GPR52: variants seen among roughly 807,000 people sequenced by gnomAD.
GPR52 encodes the protein G protein-coupled receptor 52.
GPR52 carries 8 observed loss-of-function variants against 24.0 expected under a neutral mutation model. The observed-to-expected ratio is 0.33, with a 90% CI of 0.20 to 0.60. The LOEUF is 0.60. Ranked by LOEUF, GPR52 falls within the 20% of genes least tolerant of loss-of-function variation. The pLI, the probability that GPR52 is intolerant of heterozygous loss-of-function variation, is 0.82. For synonymous variants in GPR52, 144 were observed against 158.1 expected (o/e 0.91, Z 0.67); for missense variants, 412 against 447.7 (o/e 0.92, Z 0.72).
Position 174,448,110 on chromosome 1 carries a change from C to A in GPR52, c.-2C>A. 2 of 1,606,160 alleles carry A rather than the reference C, an allele frequency of 1.2e-6. No homozygotes were observed. Among genetic ancestry groups the A allele is most frequent in the Non-Finnish European group, 1.7e-6 (2 of 1,175,454 alleles). The stretch of plus-strand genomic sequence containing the variant: ...CTGCAGGTGTCTTTAAATTTCCAAG[C>A]CATGAATGAATCCAGGTGGACTGAA... On this transcript the variant is annotated 5_prime_UTR_variant, in exon 1 of 1. Coordinates refer to ENST00000367685, the MANE Select transcript of GPR52 (RefSeq NM_005684.5). This position sits in a 1 kb window ranked among gnomAD's most constrained non-coding sequence, Gnocchi z 4.2.
Position 174,448,278 on chromosome 1 carries a change from C to T in GPR52, c.167C>T (p.Ala56Val), listed in dbSNP as rs1655018624. ...VIVLLTFLIIAGNLTVIFVFH... is the reference protein window; with the variant it reads ...VIVLLTFLIIVGNLTVIFVFH... ...GTGTTGCTGACATTTCTGATCATTG[C>T]TGGGAATCTAACAGTTATCTTTGTC... The change falls in exon 1 of 1, where the codon GCT becomes GTT. Residue 56 changes from alanine (A) to valine (V), a missense_variant. Coordinates refer to ENST00000367685, the MANE Select transcript of GPR52 (RefSeq NM_005684.5). This position sits in a 1 kb window ranked among gnomAD's most constrained non-coding sequence, Gnocchi z 4.2. The T allele has an allele frequency of 6.2e-7, 1 of 1,613,374 alleles. No homozygotes were observed. Among genetic ancestry groups the T allele is most frequent in the South Asian group, 1.1e-5 (1 of 91,076 alleles).
chr1:174,448,926 G>T lies in GPR52; in HGVS notation c.815G>T (p.Ser272Ile). ...RYAMVLFRIT[S>I]VFYMLWLPYI... ...GCCATGGTTTTGTTTAGGATAACCA[G>T]TGTATTTTATATGCTGTGGCTCCCC... The change falls in exon 1 of 1, where the codon AGT becomes ATT. Residue 272 changes from serine to isoleucine, a missense_variant. Transcript: ENST00000367685. The surrounding 1 kb of genome is among the most constrained non-coding windows in gnomAD (Gnocchi z 4.2). The T allele has an allele frequency of 6.2e-7, 1 of 1,613,964 alleles. No individual in the cohort carries two copies. The highest frequency in any genetic ancestry group is 8.5e-7 in the Non-Finnish European group (1 of 1,179,814).
In GPR52 at chr1:174,449,427, G is replaced by A. The variant is rs917786807; in HGVS notation, c.*230G>A. Among the ~76,000 whole-genome samples the A allele has an allele frequency of 2.0e-5, 3 of 152,138 alleles. No individual in the cohort carries two copies. Among genetic ancestry groups the A allele is most frequent in the Non-Finnish European group, 4.4e-5 (3 of 68,032 alleles). ...AATTATAGCATGTGAGTATTAGTGT[G>A]CAGTAATAGGAAAAATTAAGCACTG... On this transcript the variant is annotated 3_prime_UTR_variant, in exon 1 of 1. Transcript: ENST00000367685.
Position 174,449,047 on chromosome 1 carries a change from T to C in GPR52, c.936T>C (p.Cys312=). The C allele has an allele frequency of 1.2e-6, 2 of 1,613,974 alleles. No homozygotes were observed. Among genetic ancestry groups the C allele is most frequent in the East Asian group, 2.2e-5 (1 of 44,902 alleles). Residue 312 remains cysteine (C), a synonymous_variant, in exon 1 of 1, where the codon TGT becomes TGC. Coordinates refer to ENST00000367685, the MANE Select transcript of GPR52 (RefSeq NM_005684.5). The part of the protein sequence containing the change: ...TTWLAISNSF[C]NCVIYSLSNS... ...GGCTTGCAATAAGTAATAGTTTTTGTAACTGTGTAATATACAGCCTCTCCA... is the reference window on the plus strand; with the variant it reads ...GGCTTGCAATAAGTAATAGTTTTTGCAACTGTGTAATATACAGCCTCTCCA...
chr1:174,448,294 T>G lies in GPR52; in HGVS notation c.183T>G (p.Val61=). The G allele has an allele frequency of 6.2e-7, 1 of 1,613,082 alleles. No homozygotes were observed. The highest frequency in any genetic ancestry group is 2.2e-5 in the East Asian group (1 of 44,858). The change falls in exon 1 of 1, where the codon GTT becomes GTG. Residue 61 remains valine, a synonymous_variant. Coordinates refer to ENST00000367685, the MANE Select transcript of GPR52 (RefSeq NM_005684.5). The surrounding 1 kb of genome is among the most constrained non-coding windows in gnomAD (Gnocchi z 4.2). ...TFLIIAGNLT[V]IFVFHCAPLL... is the part of the protein sequence containing the mutation. The stretch of plus-strand genomic sequence containing the variant: ...TGATCATTGCTGGGAATCTAACAGT[T>G]ATCTTTGTCTTTCATTGTGCTCCAC...
chr1:174,449,114 A>C lies in GPR52; in HGVS notation c.1003A>C (p.Met335Leu). ...AGGCCTCCGAAGACTGTCTGAGACA[A>C]TGTGCACATCCTGTATGTGTGTGAA... ...RLGLRRLSET[M>L]CTSCMCVKDQ... The change falls in exon 1 of 1, where the codon ATG becomes CTG. Residue 335 changes from methionine to leucine, a missense_variant. By Grantham distance (15) the Met-to-Leu change is conservative. Transcript: ENST00000367685. 1 of 1,613,866 alleles carries C rather than the reference A, an allele frequency of 6.2e-7. No individual in the cohort carries two copies. The highest frequency in any genetic ancestry group is 8.5e-7 in the Non-Finnish European group (1 of 1,179,742).
In GPR52 at chr1:174,448,458, T is replaced by G. The variant is rs1329161176; in HGVS notation, c.347T>G (p.Val116Gly). ...TGVHESLTCQ[V>G]FGYIISVLKS... Reference sequence around the variant, plus strand: ...GTCCACGAGTCATTGACTTGCCAGGTTTTTGGATATATCATCTCAGTTCTA... The same window carrying G: ...GTCCACGAGTCATTGACTTGCCAGGGTTTTGGATATATCATCTCAGTTCTA... The change falls in exon 1 of 1, where the codon GTT becomes GGT. Residue 116 changes from valine to glycine, a missense_variant. By Grantham distance (109) the Val-to-Gly change is moderately radical. Transcript: ENST00000367685. The surrounding 1 kb of genome is among the most constrained non-coding windows in gnomAD (Gnocchi z 4.2). The G allele has an allele frequency of 6.2e-7, 1 of 1,613,410 alleles. No individual in the cohort carries two copies. Among genetic ancestry groups the G allele is most frequent in the South Asian group, 1.1e-5 (1 of 91,048 alleles).
Position 174,448,777 on chromosome 1 carries a change from TTAC to T in GPR52, c.668_670del (p.Tyr223del). ...CTGCTGCCTTTGTTGTCTGCTTCAC[TTAC>T]TTCCACATTTTCAAAATTTGCCGTC... is the stretch of plus-strand genomic sequence containing the variant. On this transcript the variant is annotated inframe_deletion, in exon 1 of 1. Transcript: ENST00000367685. This position sits in a 1 kb window ranked among gnomAD's most constrained non-coding sequence, Gnocchi z 4.2. 6.2e-7 allele frequency: 1 copy of T among 1,613,964 alleles called. No individual in the cohort carries two copies. Among genetic ancestry groups the T allele is most frequent in the East Asian group, 2.2e-5 (1 of 44,884 alleles).
Position 174,448,174 on chromosome 1 carries a change from G to C in GPR52, c.63G>C (p.Val21=), listed in dbSNP as rs780487557. The change falls in exon 1 of 1, where the codon GTG becomes GTC. Residue 21 remains valine (V), a synonymous_variant. Transcript: ENST00000367685. The surrounding 1 kb of genome is among the most constrained non-coding windows in gnomAD (Gnocchi z 4.2). ...ILNMSSGIVN[V]SERHSCPLGF... is the part of the protein sequence containing the mutation. ...ACATGAGCAGTGGCATTGTGAATGT[G>C]TCCGAGCGTCACTCCTGCCCACTTG... 6.2e-7 allele frequency: 1 copy of C among 1,613,454 alleles called. No individual in the cohort carries two copies. The highest frequency in any genetic ancestry group is 1.1e-5 in the South Asian group (1 of 91,052).
At position 174,448,307 on chromosome 1, in the gene GPR52, C is replaced by A; in HGVS notation, c.196C>A (p.His66Asn). The A allele has an allele frequency of 6.2e-7, 1 of 1,612,860 alleles. No individual in the cohort carries two copies. Among genetic ancestry groups the A allele is most frequent in the South Asian group, 1.1e-5 (1 of 91,054 alleles). Residue 66 changes from histidine to asparagine, a missense_variant, in exon 1 of 1, where the codon CAT becomes AAT. Transcript: ENST00000367685. This position sits in a 1 kb window ranked among gnomAD's most constrained non-coding sequence, Gnocchi z 4.2. ...GAATCTAACAGTTATCTTTGTCTTT[C>A]ATTGTGCTCCACTGTTACATCATTA... Reference protein sequence around the residue: ...AGNLTVIFVFHCAPLLHHYTT... With the variant: ...AGNLTVIFVFNCAPLLHHYTT...
In GPR52 at chr1:174,448,937, A is replaced by G. The variant is rs775410382; in HGVS notation, c.826A>G (p.Met276Val). The G allele has an allele frequency of 3.7e-6, 6 of 1,614,046 alleles. No homozygotes were observed. The highest frequency in any genetic ancestry group is 2.2e-5 in the East Asian group (1 of 44,880). ...GTTTAGGATAACCAGTGTATTTTAT[A>G]TGCTGTGGCTCCCCTATATAATTTA... The part of the protein sequence containing the change: ...VLFRITSVFY[M>V]LWLPYIIYFL... Residue 276 changes from methionine (M) to valine (V), a missense_variant, in exon 1 of 1, where the codon ATG becomes GTG. Physicochemically the swap from Met to Val is conservative, Grantham distance 21. Transcript: ENST00000367685. This position sits in a 1 kb window ranked among gnomAD's most constrained non-coding sequence, Gnocchi z 4.2.
Position 174,449,212 on chromosome 1 carries a change from T to C in GPR52, c.*15T>C. On this transcript the variant is annotated 3_prime_UTR_variant, in exon 1 of 1. Transcript: ENST00000367685. ...GCTCCATTTGAAGAGAGCTACATAG[T>C]AAATCAAATGTAATCTGACAGTGGT... 5.2e-6 allele frequency: 8 copies of C among 1,537,728 alleles called. No homozygotes were observed. Among genetic ancestry groups the C allele is most frequent in the Non-Finnish European group, 6.1e-6 (7 of 1,146,426 alleles).
In GPR52 at chr1:174,448,062, G is replaced by A. The variant is rs369283013; in HGVS notation, c.-50G>A. On this transcript the variant is annotated 5_prime_UTR_variant, in exon 1 of 1. Transcript: ENST00000367685. The surrounding 1 kb of genome is among the most constrained non-coding windows in gnomAD (Gnocchi z 4.2). The stretch of plus-strand genomic sequence containing the variant: ...CGGTGTTTAACAGATGCTGGGCAGG[G>A]CATCTGCTTGCTGTAGCCAAGTCTG... 1.3e-6 allele frequency: 2 copies of A among 1,532,910 alleles called. No individual in the cohort carries two copies. The highest frequency in any genetic ancestry group is 2.2e-5 in the East Asian group (1 of 44,480). 95.0% of individuals were successfully genotyped at this position (1,532,910 alleles called of 1,614,324 possible).
Position 174,449,178 on chromosome 1 carries a change from C to T in GPR52, c.1067C>T (p.Ala356Val). The T allele has an allele frequency of 6.2e-7, 1 of 1,600,094 alleles. No homozygotes were observed. The highest frequency in any genetic ancestry group is 8.5e-7 in the Non-Finnish European group (1 of 1,174,662). The change falls in exon 1 of 1, where the codon GCT becomes GTT. Residue 356 changes from alanine to valine, a missense_variant. Physicochemically the swap from Ala to Val is moderately conservative, Grantham distance 64 (BLOSUM62 0). Coordinates refer to ENST00000367685, the MANE Select transcript of GPR52 (RefSeq NM_005684.5). ...EAQEPKPRKR[A>V]NSCSI Reference sequence around the variant, plus strand: ...CAAGAACCCAAACCTAGGAAACGGGCTAATTCTTGCTCCATTTGAAGAGAG... The same window carrying T: ...CAAGAACCCAAACCTAGGAAACGGGTTAATTCTTGCTCCATTTGAAGAGAG...
In GPR52 at chr1:174,448,258, G is replaced by A. The variant is rs764662621; in HGVS notation, c.147G>A (p.Leu49=). ...VCIFETVVIV[L]LTFLIIAGNL... is the part of the protein sequence containing the mutation. ...TCTTCGAGACAGTGGTTATTGTGTT[G>A]CTGACATTTCTGATCATTGCTGGGA... The change falls in exon 1 of 1, where the codon TTG becomes TTA. Residue 49 remains leucine, a synonymous_variant. Transcript: ENST00000367685. The surrounding 1 kb of genome is among the most constrained non-coding windows in gnomAD (Gnocchi z 4.2). 5.0e-6 allele frequency: 8 copies of A among 1,613,878 alleles called. No individual in the cohort carries two copies. The highest frequency in any genetic ancestry group is 5.9e-6 in the Non-Finnish European group (7 of 1,179,932).
At position 174,448,349 on chromosome 1, in the gene GPR52, A is replaced by G; in HGVS notation, c.238A>G (p.Ile80Val). The G allele has an allele frequency of 6.2e-7, 1 of 1,614,018 alleles. No individual in the cohort carries two copies. Among genetic ancestry groups the G allele is most frequent in the Non-Finnish European group, 8.5e-7 (1 of 1,179,882 alleles). Residue 80 changes from isoleucine to valine, a missense_variant, in exon 1 of 1, where the codon ATT (isoleucine) becomes GTT (valine). Ile to Val is a conservative substitution (Grantham distance 29). Transcript: ENST00000367685. The surrounding 1 kb of genome is among the most constrained non-coding windows in gnomAD (Gnocchi z 4.2). ...ACATCATTATACTACCAGCTATTTCATTCAGACGATGGCATATGCTGATCT... is the reference window on the plus strand; with the variant it reads ...ACATCATTATACTACCAGCTATTTCGTTCAGACGATGGCATATGCTGATCT... The part of the protein sequence containing the change: ...LLHHYTTSYF[I>V]QTMAYADLFV...
chr1:174,449,005 G>A lies in GPR52; in HGVS notation c.894G>A (p.Leu298=). 2 of 1,613,542 alleles carry A rather than the reference G, an allele frequency of 1.2e-6. No homozygotes were observed. The highest frequency in any genetic ancestry group is 1.7e-6 in the Non-Finnish European group (2 of 1,179,512). The part of the protein sequence containing the change: ...ESSRVLDNPT[L]SFLTTWLAIS... ...CCCGGGTCTTGGACAATCCAACTCT[G>A]TCCTTCTTAACAACCTGGCTTGCAA... The change falls in exon 1 of 1, where the codon CTG becomes CTA. Residue 298 remains leucine (L), a synonymous_variant. Coordinates refer to ENST00000367685, the MANE Select transcript of GPR52 (RefSeq NM_005684.5).
rs1337454544 is a variant in GPR52, at chr1:174,448,778, T to TA, written c.668dup (p.Tyr223Ter). 1 of 1,613,748 alleles carries TA rather than the reference T, an allele frequency of 6.2e-7. No individual in the cohort carries two copies. The highest frequency in any genetic ancestry group is 8.5e-7 in the Non-Finnish European group (1 of 1,179,790). ...TGCTGCCTTTGTTGTCTGCTTCACT[T>TA]ACTTCCACATTTTCAAAATTTGCCG... The part of the protein sequence containing the change: ...APAAFVVCFT[Y>*]FHIFKICRQH... The change falls in exon 1 of 1, where the codon TAC (tyrosine) becomes TAAC (stop). Residue 223 changes from tyrosine to a stop codon, truncating the protein, a stop_gained and frameshift_variant. Transcript: ENST00000367685. LOFTEE classifies it high-confidence loss of function. This position sits in a 1 kb window ranked among gnomAD's most constrained non-coding sequence, Gnocchi z 4.2.
At position 174,448,721 on chromosome 1, in the gene GPR52, A is replaced by G; in HGVS notation, c.610A>G (p.Thr204Ala). ...GTCTTGGCTCACCAGTGCCTATTTT[A>G]CTGGCTTTATTGTTTGTTTACTTTA... is the stretch of plus-strand genomic sequence containing the variant. ...ATSWLTSAYF[T>A]GFIVCLLYAP... Residue 204 changes from threonine to alanine, a missense_variant, in exon 1 of 1, where the codon ACT becomes GCT. Physicochemically the swap from Thr to Ala is moderately conservative, Grantham distance 58 (BLOSUM62 0). Coordinates refer to ENST00000367685, the MANE Select transcript of GPR52 (RefSeq NM_005684.5). The surrounding 1 kb of genome is among the most constrained non-coding windows in gnomAD (Gnocchi z 4.2). 1 of 1,613,750 alleles carries G rather than the reference A, an allele frequency of 6.2e-7. No homozygotes were observed. Among genetic ancestry groups the G allele is most frequent in the Non-Finnish European group, 8.5e-7 (1 of 1,179,874 alleles).
Sources: allele counts gnomAD v4.1 joint callset (sites outside exome capture counted in the v4.1 genomes callset), GRCh38; gene constraint gnomAD v4.1.1; non-coding constraint Gnocchi (gnomAD v3.1); transcripts MANE v1.5; gene names NCBI Gene and HGNC (gene_info 2026-07-23, HGNC 2026-07-21).